PAK1: variants seen among roughly 807,000 people sequenced by gnomAD.
PAK1 encodes p21 (RAC1) activated kinase 1.
A neutral mutation model predicts 67.4 loss-of-function variants in PAK1; 29 were observed. The observed-to-expected ratio is 0.43, with a 90% CI of 0.32 to 0.59. PAK1 has a LOEUF of 0.59. Ranked by LOEUF, PAK1 falls within the 20% of genes least tolerant of loss-of-function variation. The probability of loss-of-function intolerance (pLI) is 0.07; values close to 1 mark genes in which losing one functional copy is unlikely to be tolerated. For synonymous variants in PAK1, 223 were observed against 237.4 expected (o/e 0.94, Z 0.56); for missense variants, 337 against 670.7 (o/e 0.50, Z 5.50).
the PAK1 span, among the ~76,000 whole-genome samples, chr11:77,490,036 G>C: frequency 6.6e-6 from 1 of 150,710 alleles, no homozygotes; most frequent in Non-Finnish European, 1.5e-5. Flanking sequence ...TCCCATCTAG[G>C]AAGTGAGGAG....
intron 1 of PAK1, among the ~76,000 whole-genome samples, chr11:77,451,583 C>T (rs1397759929): frequency 6.6e-6 from 1 of 151,812 alleles, no homozygotes; most frequent in African/African-American, 2.4e-5. Context: ...GCTTTTCTCT[C>T]GTTAATGTCT....
At chr11:77,411,362 C>T (rs567215154) in intron 1 of PAK1, among the ~76,000 whole-genome samples, 4 of 151,992 alleles carry the variant, frequency 2.6e-5, no homozygotes, top group East Asian at 1.9e-4. Flanking sequence ...ACCAGTCCCC[C>T]CAGGTCTCCT....
intron 1 of PAK1, among the ~76,000 whole-genome samples, chr11:77,399,464 C>T (rs914288346): frequency 1.3e-5 from 2 of 152,128 alleles, no homozygotes; most frequent in African/African-American, 4.8e-5. Flanking sequence ...CCCCTGTGAG[C>T]TTTTTTCTTA....
At chr11:77,343,611 C>G (rs546751408) in intron 10 of PAK1, among the ~76,000 whole-genome samples, 1 of 152,138 alleles carries the variant, frequency 6.6e-6, no homozygotes, top group South Asian at 2.1e-4. Flanking sequence ...AGAAGCTACA[C>G]GGTGGTAGAG....
chr11:77,444,738 A>T (rs1000349670), intron 1 of PAK1, among the ~76,000 whole-genome samples: 61 of 152,184 alleles, frequency 4.0e-4, no homozygotes, highest in African/African-American at 1.4e-3. Context: ...ATACACAAAA[A>T]CAACTAAGTA....
rs551759174 is a variant in PAK1, at chr11:77,334,175, A to T, written c.1414-1308T>A. ...CAGAGTGAGACTCCATCTCAAAAAA[A>T]AAAATAAAATAAAAATAAAAAAATA... On this transcript the variant is annotated intron_variant, in intron 13 of 14. Transcript: ENST00000356341. Among the ~76,000 whole-genome samples, 212 of 147,440 alleles carry T rather than the reference A, an allele frequency of 1.4e-3. 1 individual carries two copies. The highest frequency in any genetic ancestry group is 4.6e-3 in the African/African-American group (190 of 40,984).
chr11:77,407,025 C>T (rs139201755), intron 1 of PAK1, among the ~76,000 whole-genome samples: 218 of 152,120 alleles, frequency 1.4e-3, no homozygotes, highest in African/African-American at 5.0e-3. Flanking sequence ...TATTACGTGC[C>T]TACTATATAA....
At chr11:77,475,113 A>T (rs1317642127), upstream of PAK1, 9 of 152,194 alleles carry the variant, frequency 5.9e-5, no homozygotes, top group East Asian at 1.5e-3. Flanking sequence ...TATTATTATT[A>T]TTTCCCCCCC....
At chr11:77,486,678 C>T in the PAK1 span, among the ~76,000 whole-genome samples, 6 of 152,150 alleles carry the variant, frequency 3.9e-5, no homozygotes, top group Admixed American at 3.9e-4. Flanking sequence ...GAACTCACTG[C>T]CACCCTGTCA....
At position 77,404,358 on chromosome 11, in the gene PAK1, C is replaced by T. The variant is rs1369656212; in HGVS notation, c.-21-11817G>A. Among the ~76,000 whole-genome samples the T allele has an allele frequency of 2.6e-5, 4 of 151,932 alleles. No homozygotes were observed. The South Asian group carries it at 6.2e-4, about 24-fold the overall frequency. The stretch of plus-strand genomic sequence containing the variant: ...TCTCGGCTCACTGCAACCTCCACCT[C>T]GGGGGTTCAAGTGATTCTCCTGCCT... On this transcript the variant is annotated intron_variant, in intron 1 of 14. Coordinates refer to ENST00000356341, the MANE Select transcript of PAK1 (RefSeq NM_002576.5).
chr11:77,454,344 C>G (rs931512867), intron 1 of PAK1, among the ~76,000 whole-genome samples: 1 of 152,156 alleles, frequency 6.6e-6, no homozygotes, highest in Non-Finnish European at 1.5e-5. Flanking sequence ...CTTCATTGTA[C>G]AAGTCCCTCA....
At chr11:77,343,596 C>T (rs779875864) in intron 10 of PAK1, among the ~76,000 whole-genome samples, 1 of 152,170 alleles carries the variant, frequency 6.6e-6, no homozygotes, top group Non-Finnish European at 1.5e-5. Flanking sequence ...CGAGGATCAA[C>T]TGTTAGAAGC....
At chr11:77,437,200 A>G (rs957269629) in intron 1 of PAK1, among the ~76,000 whole-genome samples, 2 of 152,238 alleles carry the variant, frequency 1.3e-5, no homozygotes, top group Non-Finnish European at 2.9e-5. Flanking sequence ...TAAAACAATG[A>G]TAACATCAGA....
intron 1 of PAK1, among the ~76,000 whole-genome samples, chr11:77,409,034 G>A (rs1156815285): frequency 6.6e-6 from 1 of 152,194 alleles, no homozygotes; most frequent in East Asian, 1.9e-4. Context: ...GGAGGGCAAG[G>A]CAGGCAGATC....
chr11:77,353,514 G>T (rs1297210698), intron 8 of PAK1, 22 bp downstream of exon 8: 4 of 1,566,272 alleles, frequency 2.6e-6, no homozygotes, highest in Non-Finnish European at 3.5e-6. Context: ...TTTCTCCAGG[G>T]AAAGAAAATG....
At chr11:77,331,512 A>G (rs1409590470) in intron 14 of PAK1, among the ~76,000 whole-genome samples, 1 of 152,216 alleles carries the variant, frequency 6.6e-6, no homozygotes, top group South Asian at 2.1e-4. Flanking sequence ...GGAAACCATC[A>G]TTCTCAGCAA....
chr11:77,460,200 AAAAG>A (rs1303287267), intron 1 of PAK1, among the ~76,000 whole-genome samples: 2 of 151,576 alleles, frequency 1.3e-5, no homozygotes, highest in Non-Finnish European at 2.9e-5. Context: ...GGGAGAGAGA[AAAAG>A]AAAGAAGGAA....
intron 14 of PAK1, 25 bp from the exon 15 acceptor site, chr11:77,323,385 GAC>G (rs1178273824): frequency 1.4e-6 from 2 of 1,387,082 alleles, no homozygotes; most frequent in Non-Finnish European, 2.1e-6. Context: ...AATAGCAAAA[GAC>G]ACATGACTAT....
upstream of PAK1, chr11:77,474,545 G>A (rs61901817): frequency 0.015 from 2,291 of 152,312 alleles, 28 homozygotes; most frequent in South Asian, 0.025. Flanking sequence ...CTAACTTCCG[G>A]CGCTGAGGGT....
Sources: allele counts gnomAD v4.1 joint callset (sites outside exome capture counted in the v4.1 genomes callset), GRCh38; gene constraint gnomAD v4.1.1; transcripts MANE v1.5; gene names NCBI Gene and HGNC (gene_info 2026-07-23, HGNC 2026-07-21).